Variants in PACRG observed in about 807,000 individuals in gnomAD.
PACRG encodes the protein parkin coregulated, also known as parkin coregulated gene protein.
Under a neutral mutation model 29.7 loss-of-function variants are expected in PACRG, and 29 were observed. That is an observed-to-expected ratio of 0.98 (90% CI 0.73 to 1.33). The LOEUF is 1.33. PACRG is among the 40% of genes most tolerant of loss of function. The pLI, the probability that PACRG is intolerant of heterozygous loss-of-function variation, is 0.00. For synonymous variants in PACRG, 116 were observed against 118.7 expected (o/e 0.98, Z 0.15); for missense variants, 279 against 316.2 (o/e 0.88, Z 0.89).
chr6:162,746,467 G>A (rs1780992518), intron 1 of PACRG, among the ~76,000 whole-genome samples: 1 of 152,164 alleles, frequency 6.6e-6, no homozygotes, highest in South Asian at 2.1e-4. Flanking sequence ...AAACGGTAAT[G>A]ATGGATGCCT....
chr6:162,821,532 G>T (rs1412366903), intron 2 of PACRG, among the ~76,000 whole-genome samples: 1 of 152,130 alleles, frequency 6.6e-6, no homozygotes, highest in East Asian at 1.9e-4. Flanking sequence ...TTGAAAAGTA[G>T]GTCTTGGTAG....
intron 2 of PACRG, among the ~76,000 whole-genome samples, chr6:162,979,650 T>C (rs973337521): frequency 6.6e-6 from 1 of 152,190 alleles, no homozygotes; most frequent in East Asian, 1.9e-4. Flanking sequence ...ATTACAATTA[T>C]GTTTAAATTA....
intron 4 of PACRG, among the ~76,000 whole-genome samples, chr6:163,185,550 C>T (rs1220167913): frequency 6.6e-6 from 1 of 152,064 alleles, no homozygotes; most frequent in African/African-American, 2.4e-5. Flanking sequence ...TCAAAGAATT[C>T]GTTAAGAAAA....
At chr6:163,175,705 A>G (rs1432027260) in intron 4 of PACRG, among the ~76,000 whole-genome samples, 2 of 149,524 alleles carry the variant, frequency 1.3e-5, no homozygotes, top group Non-Finnish European at 3.0e-5. Flanking sequence ...TGAAACATCA[A>G]GGAGTGTGAG....
intron 2 of PACRG, among the ~76,000 whole-genome samples, chr6:162,908,118 C>T (rs1796058846): frequency 6.6e-6 from 1 of 152,150 alleles, no homozygotes; most frequent in Non-Finnish European, 1.5e-5. Context: ...AAGTCATAGG[C>T]ATATATTAAT....
intron 2 of PACRG, among the ~76,000 whole-genome samples, chr6:162,944,222 A>T (rs912289702): frequency 6.6e-6 from 1 of 152,244 alleles, no homozygotes; most frequent in Non-Finnish European, 1.5e-5. Context: ...TGCTGTTTAC[A>T]GCCAAATAAA....
intron 4 of PACRG, among the ~76,000 whole-genome samples, chr6:163,188,404 C>T (rs546391828): frequency 5.3e-5 from 8 of 152,258 alleles, no homozygotes; most frequent in African/African-American, 9.6e-5. Context: ...TTTAAGCCCC[C>T]GAAGCTACAG....
intron 2 of PACRG, among the ~76,000 whole-genome samples, chr6:162,968,976 A>G (rs4541723): frequency 0.67 from 100,318 of 149,172 alleles, 33,898 homozygotes; most frequent in East Asian, 0.79. Flanking sequence ...GAACCCAGGA[A>G]GCGAAGGTTG....
intron 4 of PACRG, among the ~76,000 whole-genome samples, chr6:163,149,296 T>C (rs1214553424): frequency 6.6e-6 from 1 of 151,888 alleles, no homozygotes; most frequent in African/African-American, 2.4e-5. Flanking sequence ...CCCAGGCCTC[T>C]CTCCCCGAGG....
At chr6:162,846,831 T>C (rs1235011584) in intron 2 of PACRG, among the ~76,000 whole-genome samples, 1 of 152,120 alleles carries the variant, frequency 6.6e-6, no homozygotes, top group African/African-American at 2.4e-5. Context: ...CCGCACACTG[T>C]CCACTGTGCT....
intron 4 of PACRG, among the ~76,000 whole-genome samples, chr6:163,238,463 G>C (rs6455886): frequency 0.61 from 93,514 of 152,098 alleles, 30,690 homozygotes; most frequent in African/African-American, 0.86. Flanking sequence ...AATTTGAATA[G>C]AAGGGCAGAA....
At chr6:162,817,894 C>T (rs1429403227) in intron 2 of PACRG, among the ~76,000 whole-genome samples, 2 of 152,022 alleles carry the variant, frequency 1.3e-5, no homozygotes, top group South Asian at 2.1e-4. Context: ...ATGTGAGAAA[C>T]GTTTTGCAAA....
intron 1 of PACRG, among the ~76,000 whole-genome samples, chr6:162,807,407 G>T (rs1261644096): frequency 6.6e-6 from 1 of 152,080 alleles, no homozygotes; most frequent in Non-Finnish European, 1.5e-5. Flanking sequence ...TCTAGCTTTT[G>T]ATTCAGAGGA....
intron 2 of PACRG, chr6:163,060,856 A>C (rs1811040711): frequency 6.6e-6 from 1 of 152,198 alleles, no homozygotes; most frequent in South Asian, 2.1e-4. Flanking sequence ...TGGAAGGTAC[A>C]AAAATCTCCC....
At chr6:163,242,955 G>A (rs1782555415) in intron 4 of PACRG, among the ~76,000 whole-genome samples, 1 of 152,194 alleles carries the variant, frequency 6.6e-6, no homozygotes, top group Non-Finnish European at 1.5e-5. Context: ...TTTGCTGATA[G>A]TTTAGTCTGA....
intron 1 of PACRG, among the ~76,000 whole-genome samples, chr6:162,734,712 A>C (rs1368624541): frequency 6.6e-6 from 1 of 152,144 alleles, no homozygotes; most frequent in Non-Finnish European, 1.5e-5. Flanking sequence ...TTGTTTAGAG[A>C]TACTTATTAA....
At chr6:163,284,530 A>G (rs1274192246) in intron 4 of PACRG, among the ~76,000 whole-genome samples, 3 of 152,270 alleles carry the variant, frequency 2.0e-5, no homozygotes, top group Non-Finnish European at 2.9e-5. Context: ...TGTTTAACAG[A>G]TTAATGTTAT....
chr6:163,022,193 G>A (rs1200948388), intron 2 of PACRG, among the ~76,000 whole-genome samples: 1 of 152,162 alleles, frequency 6.6e-6, no homozygotes. Context: ...GGGATTTATT[G>A]AGCACCTACT....
At chr6:162,820,779 C>G (rs1350978678) in intron 2 of PACRG, among the ~76,000 whole-genome samples, 1 of 151,880 alleles carries the variant, frequency 6.6e-6, no homozygotes, top group African/African-American at 2.4e-5. Flanking sequence ...TGGAATTGTC[C>G]TGGGTTTCTA....
Sources: gnomAD v4.1 joint callset for allele counts (sites outside exome capture counted in the v4.1 genomes callset) on GRCh38, gnomAD v4.1.1 for gene constraint, MANE v1.5 for transcripts, NCBI Gene and HGNC (gene_info 2026-07-23, HGNC 2026-07-21) for gene names.